LRRC7: variants seen among roughly 807,000 people sequenced by gnomAD.
LRRC7 encodes leucine-rich repeat-containing protein 7.
In LRRC7, 23 loss-of-function variants were observed where a neutral mutation model predicts 175.7. The ratio of observed to expected loss-of-function variants is 0.13; its 90% CI spans 0.09 to 0.19. LRRC7 has a LOEUF of 0.19. Ranked by LOEUF, LRRC7 falls within the 10% of genes least tolerant of loss-of-function variation. The pLI is 1.00. For missense variants in LRRC7, 1,354 were observed against 1,904.7 expected (o/e 0.71, Z 5.38); for synonymous variants, 685 against 680.9 (o/e 1.01, Z -0.09).
At chr1:69,727,378 CT>C (rs2100803608) in intron 2 of LRRC7, among the ~76,000 whole-genome samples, 1 of 152,268 alleles carries the variant, frequency 6.6e-6, no homozygotes, top group East Asian at 1.9e-4. Context: ...CTAATTCTCT[CT>C]TCCAAATTTT....
intron 2 of LRRC7, among the ~76,000 whole-genome samples, chr1:69,705,744 G>A (rs1663951234): frequency 6.6e-6 from 1 of 151,992 alleles, no homozygotes; most frequent in African/African-American, 2.4e-5. Flanking sequence ...GAAAAACTCA[G>A]TTATTGAAGA....
At chr1:69,886,383 G>T (rs1361247732) in intron 7 of LRRC7, among the ~76,000 whole-genome samples, 1 of 150,738 alleles carries the variant, frequency 6.6e-6, no homozygotes, top group Non-Finnish European at 1.5e-5. Context: ...GGCCTTCTTT[G>T]TCTCTTTTGA....
At chr1:69,823,691 A>G (rs1198875343) in intron 4 of LRRC7, among the ~76,000 whole-genome samples, 1 of 152,136 alleles carries the variant, frequency 6.6e-6, no homozygotes. Flanking sequence ...GAAGCCAGAT[A>G]ATTTTGATAT....
intron 3 of LRRC7, among the ~76,000 whole-genome samples, chr1:69,778,915 TACAC>T (rs148540965): frequency 4.8e-5 from 7 of 146,270 alleles, no homozygotes; most frequent in South Asian, 2.2e-4. Context: ...TACACACACA[TACAC>T]ACACACACTC....
intron 10 of LRRC7, among the ~76,000 whole-genome samples, chr1:69,994,038 TG>T (rs1654695976): frequency 6.6e-6 from 1 of 152,160 alleles, no homozygotes; most frequent in African/African-American, 2.4e-5. Context: ...GCAGGATTTA[TG>T]GTGCCAAAAA....
chr1:70,006,396 C>T (rs1389999204), intron 11 of LRRC7, among the ~76,000 whole-genome samples: 2 of 150,708 alleles, frequency 1.3e-5, no homozygotes, highest in Non-Finnish European at 3.0e-5. Context: ...CGCTTGAACC[C>T]GGGAGGCAGA....
At chr1:69,834,668 G>A in intron 5 of LRRC7, 112 bp from the exon 6 acceptor site, 1 of 850,828 alleles carries the variant, frequency 1.2e-6, no homozygotes, top group Non-Finnish European at 1.9e-6. Context: ...TACCAAAGGA[G>A]AGTTGAAAAA....
At chr1:69,926,379 C>T (rs1200383535) in intron 7 of LRRC7, among the ~76,000 whole-genome samples, 7 of 131,510 alleles carry the variant, frequency 5.3e-5, no homozygotes, top group African/African-American at 1.9e-4. Flanking sequence ...CTTTCTGTCT[C>T]GTTGTCGGGT....
chr1:69,847,255 T>C (rs567245748), intron 7 of LRRC7, among the ~76,000 whole-genome samples: 1 of 152,236 alleles, frequency 6.6e-6, no homozygotes, highest in South Asian at 2.1e-4. Context: ...TAAATAAATG[T>C]AGTATTTTTC....
intron 1 of LRRC7, among the ~76,000 whole-genome samples, chr1:69,649,688 T>C (rs1223503396): frequency 6.6e-6 from 1 of 152,150 alleles, no homozygotes; most frequent in Non-Finnish European, 1.5e-5. Context: ...CCTTCCTCCA[T>C]GCACATGCAA....
Position 70,083,336 on chromosome 1 carries a change from T to G in LRRC7, c.4453-6391T>G, listed in dbSNP as rs1167061779. Among the ~76,000 whole-genome samples the G allele has an allele frequency of 2.0e-5, 3 of 152,300 alleles. No individual in the cohort carries two copies. In the East Asian group the frequency reaches 5.8e-4, roughly 29 times the overall value. The stretch of plus-strand genomic sequence containing the variant: ...TTGTATGGCTAAGTAATGTACATAA[T>G]GTAAGTCAAAATGAAAAATTATAAT... On this transcript the variant is annotated intron_variant, in intron 24 of 26. Coordinates refer to ENST00000651989, the MANE Select transcript of LRRC7 (RefSeq NM_001370785.2).
At chr1:69,924,383 T>C in intron 7 of LRRC7, among the ~76,000 whole-genome samples, 1 of 152,202 alleles carries the variant, frequency 6.6e-6, no homozygotes, top group Non-Finnish European at 1.5e-5. Flanking sequence ...AATCTATAAA[T>C]TACCTTGGGC....
chr1:70,045,052 T>C (rs1275439688), intron 22 of LRRC7, among the ~76,000 whole-genome samples: 3 of 152,154 alleles, frequency 2.0e-5, no homozygotes, highest in Non-Finnish European at 4.4e-5. Flanking sequence ...TCCTGTTTTA[T>C]TGTTAATCTA....
chr1:70,076,959 C>A (rs1157824565), intron 24 of LRRC7, among the ~76,000 whole-genome samples: 1 of 152,070 alleles, frequency 6.6e-6, no homozygotes, highest in Admixed American at 6.6e-5. Context: ...ATCTATTGAA[C>A]TATATTAATC....
intron 2 of LRRC7, among the ~76,000 whole-genome samples, chr1:69,687,520 C>CAAAAAAAAAAAAAAAA (rs551726376): frequency 7.2e-4 from 70 of 96,752 alleles, no homozygotes; most frequent in Non-Finnish European, 8.4e-4. Flanking sequence ...AAGAAAAAAC[C>CAAAAAAAAAAAAAAAA]AAAAAAAAAA....
In LRRC7 at chr1:70,123,387, C is replaced by G. The variant is rs1017481492; in HGVS notation, c.*1500C>G. The G allele has an allele frequency of 6.6e-6, 1 of 152,050 alleles. No individual in the cohort carries two copies. Among genetic ancestry groups the G allele is most frequent in the Non-Finnish European group, 1.5e-5 (1 of 67,964 alleles). The allele number at this position is 152,050 out of a possible 1,614,324, so 9.4% of individuals were successfully genotyped here. ...ACAATAGTATCACTGAATGATGTCA[C>G]CAGAGCTCTGAGAATAATATTTGTA... On this transcript the variant is annotated 3_prime_UTR_variant, in exon 27 of 27. Transcript: ENST00000651989.
chr1:69,827,066 G>T (rs766775576), intron 5 of LRRC7, among the ~76,000 whole-genome samples: 1 of 151,952 alleles, frequency 6.6e-6, no homozygotes, highest in Non-Finnish European at 1.5e-5. Context: ...TTCCTGAAAA[G>T]TAAATAGGGA....
At chr1:69,637,287 A>G (rs1653539756) in intron 1 of LRRC7, among the ~76,000 whole-genome samples, 1 of 152,040 alleles carries the variant, frequency 6.6e-6, no homozygotes, top group East Asian at 1.9e-4. Flanking sequence ...AGTTTGTTTC[A>G]CGTCAATGTC....
At chr1:69,629,868 T>A (rs181721122) in intron 1 of LRRC7, among the ~76,000 whole-genome samples, 1 of 152,284 alleles carries the variant, frequency 6.6e-6, no homozygotes, top group East Asian at 1.9e-4. Flanking sequence ...TCTTTGTCAC[T>A]TTCCCAAAAT....
Sources: allele counts gnomAD v4.1 joint callset (sites outside exome capture counted in the v4.1 genomes callset), GRCh38; gene constraint gnomAD v4.1.1; transcripts MANE v1.5; gene names NCBI Gene and HGNC (gene_info 2026-07-23, HGNC 2026-07-21).